ADK: variants seen among roughly 807,000 people sequenced by gnomAD.
ADK encodes N6,N6-dimethyladenosine kinase.
Under a neutral mutation model 44.7 loss-of-function variants are expected in ADK, and 24 were observed. The observed-to-expected ratio is 0.54, with a 90% confidence interval of 0.39 to 0.76. The LOEUF is 0.76. Ranked by LOEUF, ADK falls within the 30% of genes least tolerant of loss-of-function variation. ADK has a pLI of 0.00. For synonymous variants in ADK, 128 were observed against 142.6 expected (o/e 0.90, Z 0.73); for missense variants, 321 against 425.1 (o/e 0.76, Z 2.15).
intron 7 of ADK, chr10:74,527,821 G>T (rs1188750745): frequency 7.5e-7 from 1 of 1,325,962 alleles, no homozygotes; most frequent in African/African-American, 1.4e-5. Flanking sequence ...TAATAGAGTG[G>T]CCCTCTTGCT....
At chr10:74,323,454 T>C (rs1159109326) in intron 4 of ADK, among the ~76,000 whole-genome samples, 1 of 152,246 alleles carries the variant, frequency 6.6e-6, no homozygotes, top group Non-Finnish European at 1.5e-5. Context: ...TATTGGAATA[T>C]AGTTCACGTA....
chr10:74,303,594 T>TTTTTTTTG (rs1840147456), intron 3 of ADK, among the ~76,000 whole-genome samples: 1 of 130,878 alleles, frequency 7.6e-6, no homozygotes, highest in South Asian at 2.5e-4. Flanking sequence ...TGTTGTTTTT[T>TTTTTTTTG]TTTTTTTTTT....
chr10:74,186,910 G>A (rs1033559209), intron 1 of ADK, among the ~76,000 whole-genome samples: 2 of 152,134 alleles, frequency 1.3e-5, no homozygotes, highest in African/African-American at 2.4e-5. Context: ...GAGTAAAGTT[G>A]CTATGAACAT....
At chr10:74,639,699 G>A (rs970049092) in intron 9 of ADK, among the ~76,000 whole-genome samples, 4 of 152,108 alleles carry the variant, frequency 2.6e-5, no homozygotes, top group Non-Finnish European at 4.4e-5. Flanking sequence ...AGCCGGGCGT[G>A]GTGGCATGTA....
intron 2 of ADK, among the ~76,000 whole-genome samples, chr10:74,210,792 T>TGG (rs1554829641): frequency 0.032 from 4,859 of 152,196 alleles, 273 homozygotes; most frequent in African/African-American, 0.11. Context: ...AAAAAATATT[T>TGG]AGTGTCAAGT....
chr10:74,647,792 G>A (rs1378567646), intron 9 of ADK, among the ~76,000 whole-genome samples: 1 of 152,076 alleles, frequency 6.6e-6, no homozygotes, highest in Non-Finnish European at 1.5e-5. Context: ...ACATTATAAT[G>A]CACATATAAT....
intron 8 of ADK, among the ~76,000 whole-genome samples, chr10:74,594,779 T>C (rs538574757): frequency 6.6e-6 from 1 of 152,246 alleles, no homozygotes; most frequent in African/African-American, 2.4e-5. Context: ...GCTCACAGTT[T>C]ATAAAACCTT....
chr10:74,301,091 C>T (rs550911833), intron 3 of ADK, among the ~76,000 whole-genome samples: 6 of 152,282 alleles, frequency 3.9e-5, no homozygotes, highest in Non-Finnish European at 5.9e-5. Context: ...TAATTTAAAT[C>T]ATATGCTATT....
At chr10:74,167,871 C>T (rs1281816831) in intron 1 of ADK, among the ~76,000 whole-genome samples, 1 of 152,070 alleles carries the variant, frequency 6.6e-6, no homozygotes, top group Non-Finnish European at 1.5e-5. Flanking sequence ...CTGTTATTGC[C>T]CTTTGAAGGA....
intron 9 of ADK, among the ~76,000 whole-genome samples, chr10:74,659,226 T>G (rs1372790744): frequency 6.6e-6 from 1 of 151,920 alleles, no homozygotes; most frequent in Non-Finnish European, 1.5e-5. Context: ...TCTAAAAAAT[T>G]TCTTAAATGC....
At chr10:74,661,957 A>T (rs559542500) in intron 9 of ADK, among the ~76,000 whole-genome samples, 1 of 152,234 alleles carries the variant, frequency 6.6e-6, no homozygotes. Flanking sequence ...GAGTATCATA[A>T]CTATTGTTCT....
chr10:74,226,540 A>C (rs1309173668), intron 3 of ADK, among the ~76,000 whole-genome samples: 1 of 152,024 alleles, frequency 6.6e-6, no homozygotes, highest in Non-Finnish European at 1.5e-5. Flanking sequence ...GCATTACTTC[A>C]TCTGTTTTTT....
intron 7 of ADK, among the ~76,000 whole-genome samples, chr10:74,566,180 G>A (rs1472555741): frequency 1.5e-5 from 2 of 130,644 alleles, no homozygotes; most frequent in Non-Finnish European, 3.3e-5. Flanking sequence ...GCCTCTTCAT[G>A]TTTTTATTTT....
intron 3 of ADK, among the ~76,000 whole-genome samples, chr10:74,251,616 A>G (rs1006195806): frequency 1.3e-5 from 2 of 152,206 alleles, no homozygotes; most frequent in African/African-American, 4.8e-5. Flanking sequence ...AAGGGAAGAT[A>G]ACTTGACCAA....
chr10:74,467,959 A>G lies in ADK; in HGVS notation c.556-57297A>G, dbSNP rs114431908. On this transcript the variant is annotated intron_variant, in intron 6 of 10. Transcript: ENST00000539909. ...CTCAAACCCAGGTCTTTTCCTGTAT[A>G]CCACATTTCCTCATTAGTTCTCACT... Among the ~76,000 whole-genome samples, 800 of 152,248 alleles carry G rather than the reference A, an allele frequency of 5.3e-3. 6 individuals carry two copies. Among genetic ancestry groups the G allele is most frequent in the African/African-American group, 0.017 (715 of 41,554 alleles).
chr10:74,684,329 C>T (rs7071324), intron 10 of ADK, among the ~76,000 whole-genome samples: 105,790 of 152,020 alleles, frequency 0.7, 37,021 homozygotes, highest in Middle Eastern at 0.79. Context: ...TTTTTCAGAC[C>T]TTTTCTCACT....
chr10:74,574,029 G>C (rs898477130), intron 7 of ADK, among the ~76,000 whole-genome samples: 3 of 152,190 alleles, frequency 2.0e-5, no homozygotes, highest in African/African-American at 4.8e-5. Flanking sequence ...TGCGCCCACT[G>C]TCTGGCACTC....
intron 1 of ADK, among the ~76,000 whole-genome samples, chr10:74,189,547 TTATC>T (rs1213335977): frequency 6.6e-6 from 1 of 152,228 alleles, no homozygotes; most frequent in African/African-American, 2.4e-5. Context: ...GTTCTATAAT[TTATC>T]AATTAGGTCA....
intron 7 of ADK, among the ~76,000 whole-genome samples, chr10:74,547,700 C>T (rs1255326016): frequency 6.6e-6 from 1 of 151,494 alleles, no homozygotes; most frequent in Non-Finnish European, 1.5e-5. Flanking sequence ...TCTTGTTACC[C>T]AGGCTAAGAG....
Sources: allele counts gnomAD v4.1 joint callset (sites outside exome capture counted in the v4.1 genomes callset), GRCh38; gene constraint gnomAD v4.1.1; transcripts MANE v1.5; gene names NCBI Gene and HGNC (gene_info 2026-07-23, HGNC 2026-07-21).